The following SLC5A3 variants were observed in gnomAD, a reference collection of about 807,000 sequenced individuals.
SLC5A3 encodes solute carrier family 5 member 3.
SLC5A3 carries 10 observed loss-of-function variants against 43.2 expected under a neutral mutation model. The observed-to-expected ratio is 0.23, with a 90% CI of 0.14 to 0.39. The LOEUF (loss-of-function observed/expected upper bound fraction) is 0.39, where lower values mean the gene tolerates loss of function less well. Among genes scored for constraint, SLC5A3 ranks in the 10% least tolerant of loss-of-function variants. The pLI, the probability that SLC5A3 is intolerant of heterozygous loss-of-function variation, is 1.00. For synonymous variants in SLC5A3, 349 were observed against 322.0 expected (o/e 1.08, Z -0.90); for missense variants, 608 against 893.4 (o/e 0.68, Z 4.07).
intron 1 of SLC5A3, among the ~76,000 whole-genome samples, chr21:34,085,857 C>T (rs1189591590): frequency 1.3e-5 from 2 of 152,172 alleles, no homozygotes; most frequent in East Asian, 3.9e-4. Flanking sequence ...CCGCCTCGGC[C>T]TCCCAAAGTG....
In SLC5A3 at chr21:34,100,765, C is replaced by G. The variant is rs16991209; in HGVS notation, c.*3410C>G. 1.0e-6 allele frequency: 1 copy of G among 1,000,044 alleles called. No individual in the cohort carries two copies. The highest frequency in any genetic ancestry group is 1.7e-5 in the African/African-American group (1 of 57,212). 61.9% of individuals were successfully genotyped at this position (1,000,044 alleles called of 1,614,324 possible). On this transcript the variant is annotated 3_prime_UTR_variant, in exon 2 of 2. Transcript: ENST00000381151. ...GTGTCTGTATTCGCAGTCCATGGCT[C>G]ATTTTCTTTATAGTAGGCATATGGA...
Position 34,096,257 on chromosome 21 carries a change from C to T in SLC5A3, c.1059C>T (p.Arg353=). The T allele has an allele frequency of 1.2e-6, 2 of 1,614,100 alleles. No individual in the cohort carries two copies. The highest frequency in any genetic ancestry group is 1.7e-6 in the Non-Finnish European group (2 of 1,180,012). Residue 353 remains arginine (R), a synonymous_variant, in exon 2 of 2, where the codon CGC becomes CGT. Transcript: ENST00000381151. The surrounding 1 kb of genome is among the most constrained non-coding windows in gnomAD (Gnocchi z 5.9). Reference sequence around the variant, plus strand: ...GTTGCTCCAATATTGCTTACCCACGCCTGGTGATGAAGCTGGTTCCTGTGG... The same window carrying T: ...GTTGCTCCAATATTGCTTACCCACGTCTGGTGATGAAGCTGGTTCCTGTGG... The part of the protein sequence containing the change: ...RAGCSNIAYP[R]LVMKLVPVGL...
rs1192343657 is a variant in SLC5A3, at chr21:34,101,919, A to G, written c.*4564A>G. ...CATTTATGTGAGCCCCTTTGAAATGATGGTGTCAGAGTGCAGAGAAACAAT... is the reference window on the plus strand; with the variant it reads ...CATTTATGTGAGCCCCTTTGAAATGGTGGTGTCAGAGTGCAGAGAAACAAT... On this transcript the variant is annotated 3_prime_UTR_variant, in exon 2 of 2. Coordinates refer to ENST00000381151, the MANE Select transcript of SLC5A3 (RefSeq NM_006933.7). The G allele has an allele frequency of 3.0e-6, 3 of 1,000,200 alleles. No homozygotes were observed. The African/African-American group carries it at 5.2e-5, about 17-fold the overall frequency. The allele number at this position is 1,000,200 out of a possible 1,614,324, so 62.0% of individuals were successfully genotyped here.
In SLC5A3 at chr21:34,098,421, T is replaced by A; in HGVS notation, c.*1066T>A. 1.0e-6 allele frequency: 1 copy of A among 1,000,180 alleles called. No homozygotes were observed. Among genetic ancestry groups the A allele is most frequent in the African/African-American group, 1.7e-5 (1 of 57,350 alleles). The allele number at this position is 1,000,180 out of a possible 1,614,324, so 62.0% of individuals were successfully genotyped here. ...AGGTTGAATTTTTAGAGGGAAAATT[T>A]AATTCTGATATCTTATTGCATCCTT... On this transcript the variant is annotated 3_prime_UTR_variant, in exon 2 of 2. Coordinates refer to ENST00000381151, the MANE Select transcript of SLC5A3 (RefSeq NM_006933.7).
chr21:34,103,048 C>T lies in SLC5A3; in HGVS notation c.*5693C>T, dbSNP rs532661552. 4.0e-6 allele frequency: 4 copies of T among 999,916 alleles called. No homozygotes were observed. In the South Asian group the frequency reaches 1.4e-4, roughly 35 times the overall value. 61.9% of individuals were successfully genotyped at this position (999,916 alleles called of 1,614,324 possible). On this transcript the variant is annotated 3_prime_UTR_variant, in exon 2 of 2. Transcript: ENST00000381151. ...CAATTTATCAACATAGCCTAGACTT[C>T]TGTAAGTGGAATGTTCATTAGTAAC... is the stretch of plus-strand genomic sequence containing the variant.
Position 34,105,105 on chromosome 21 carries a change from C to T in SLC5A3, c.*7750C>T. 1 of 999,980 alleles carries T rather than the reference C, an allele frequency of 1.0e-6. No homozygotes were observed. 61.9% of individuals were successfully genotyped at this position (999,980 alleles called of 1,614,324 possible). A position where few individuals can be genotyped will look rare whatever the true frequency, so the allele number is the denominator to read the frequency against. ...AAAAGCTTTATTTTTTTTAATAATG[C>T]CATACTCCATTAGTGTCAGATGATG... On this transcript the variant is annotated 3_prime_UTR_variant, in exon 2 of 2. Transcript: ENST00000381151.
Position 34,097,013 on chromosome 21 carries a change from G to A in SLC5A3, c.1815G>A (p.Leu605=), listed in dbSNP as rs765021972. 1.2e-6 allele frequency: 2 copies of A among 1,614,152 alleles called. No homozygotes were observed. Among genetic ancestry groups the A allele is most frequent in the Non-Finnish European group, 1.7e-6 (2 of 1,180,000 alleles). The change falls in exon 2 of 2, where the codon CTG becomes CTA. Residue 605 remains leucine (L), a synonymous_variant. Transcript: ENST00000381151. ...GCCTTCAGCCTGAAGATGTTAATCT[G>A]TTGGTAACCTGCAGAGAGGAGGGCA... ...IKGLQPEDVN[L]LVTCREEGNP...
In SLC5A3 at chr21:34,101,332, C is replaced by G; in HGVS notation, c.*3977C>G. 4.0e-6 allele frequency: 4 copies of G among 1,000,116 alleles called. No homozygotes were observed. The highest frequency in any genetic ancestry group is 4.8e-6 in the Non-Finnish European group (4 of 829,912). The allele number at this position is 1,000,116 out of a possible 1,614,324, so 62.0% of individuals were successfully genotyped here. A position where few individuals can be genotyped will look rare whatever the true frequency, so the allele number is the denominator to read the frequency against. ...AATAAATAAGTTTCAGCTTTTTAAA[C>G]CCTGGTTTGATGTTAAGCATTATAA... On this transcript the variant is annotated 3_prime_UTR_variant, in exon 2 of 2. Transcript: ENST00000381151.
At position 34,100,273 on chromosome 21, in the gene SLC5A3, A is replaced by G; in HGVS notation, c.*2918A>G. 1 of 1,000,152 alleles carries G rather than the reference A, an allele frequency of 1.0e-6. No homozygotes were observed. The highest frequency in any genetic ancestry group is 1.2e-6 in the Non-Finnish European group (1 of 829,914). 62.0% of individuals were successfully genotyped at this position (1,000,152 alleles called of 1,614,324 possible). On this transcript the variant is annotated 3_prime_UTR_variant, in exon 2 of 2. Transcript: ENST00000381151. ...AATTTTCATCTCAAGATCTGATGAG[A>G]AGGGCATATTACATTGGTATGCAGG...
Position 34,098,958 on chromosome 21 carries a change from A to G in SLC5A3, c.*1603A>G, listed in dbSNP as rs1266523440. The G allele has an allele frequency of 5.1e-6, 5 of 983,426 alleles. No homozygotes were observed. Among genetic ancestry groups the G allele is most frequent in the South Asian group, 9.5e-5 (2 of 20,958 alleles). 60.9% of individuals were successfully genotyped at this position (983,426 alleles called of 1,614,324 possible). On this transcript the variant is annotated 3_prime_UTR_variant, in exon 2 of 2. Coordinates refer to ENST00000381151, the MANE Select transcript of SLC5A3 (RefSeq NM_006933.7). ...GCTTGTATTTAGGGAAATTACTTTC[A>G]TAAATACTTTTGTAGATTTTGAATC...
In SLC5A3 at chr21:34,095,851, T is replaced by C. The variant is rs1302477573; in HGVS notation, c.653T>C (p.Met218Thr). 1.2e-6 allele frequency: 2 copies of C among 1,614,096 alleles called. No individual in the cohort carries two copies. The highest frequency in any genetic ancestry group is 1.7e-6 in the Non-Finnish European group (2 of 1,179,994). Residue 218 changes from methionine (M) to threonine (T), a missense_variant, in exon 2 of 2, where the codon ATG becomes ACG. Met to Thr is a moderately conservative substitution (Grantham distance 81). Coordinates refer to ENST00000381151, the MANE Select transcript of SLC5A3 (RefSeq NM_006933.7). ...GGFEEVKRRY[M>T]LASPDVTSIL... ...TTTGAGGAAGTTAAGAGAAGGTACA[T>C]GTTGGCCTCACCCGATGTCACTTCC...
chr21:34,081,173 A>G (rs1602905829), intron 1 of SLC5A3, among the ~76,000 whole-genome samples: 2 of 152,076 alleles, frequency 1.3e-5, no homozygotes, highest in Non-Finnish European at 2.9e-5. Flanking sequence ...TTTTACAAGG[A>G]TCTTTTAAAC....
chr21:34,090,676 C>T (rs554101983), intron 1 of SLC5A3, among the ~76,000 whole-genome samples: 86 of 152,166 alleles, frequency 5.7e-4, no homozygotes, highest in Non-Finnish European at 7.2e-4. Flanking sequence ...TGAGCCACCT[C>T]CCCATTGCAC....
At chr21:34,093,205 A>G (rs1180251824) in intron 1 of SLC5A3, among the ~76,000 whole-genome samples, 1 of 151,250 alleles carries the variant, frequency 6.6e-6, no homozygotes. Context: ...AGGATTTGGC[A>G]GGTATGAAGT....
chr21:34,097,965 T>C lies in SLC5A3; in HGVS notation c.*610T>C, dbSNP rs1228857204. 1.0e-6 allele frequency: 1 copy of C among 996,710 alleles called. No homozygotes were observed. Among genetic ancestry groups the C allele is most frequent in the African/African-American group, 1.8e-5 (1 of 57,114 alleles). The allele number at this position is 996,710 out of a possible 1,614,324, so 61.7% of individuals were successfully genotyped here. ...ATTTTTGTACCACCAGTATATGGAA[T>C]GTTAGGGAAAAACTTTGTTCCAGTT... On this transcript the variant is annotated 3_prime_UTR_variant, in exon 2 of 2. Transcript: ENST00000381151.
chr21:34,077,280 CTT>C (rs1989355454), intron 1 of SLC5A3, among the ~76,000 whole-genome samples: 1 of 152,168 alleles, frequency 6.6e-6, no homozygotes, highest in African/African-American at 2.4e-5. Context: ...AAAAATGAAA[CTT>C]TGTAGACACT....
chr21:34,089,894 T>C (rs1016083978), intron 1 of SLC5A3, among the ~76,000 whole-genome samples: 1 of 152,216 alleles, frequency 6.6e-6, no homozygotes, highest in Non-Finnish European at 1.5e-5. Context: ...CTTTATATTT[T>C]AGGGATGGTT....
rs184869645 is a variant in SLC5A3 at position 34,080,085 on chromosome 21, C to T, written c.-337+6340C>T. Among the ~76,000 whole-genome samples, 515 of 152,294 alleles carry T rather than the reference C, an allele frequency of 3.4e-3. 3 individuals are homozygous for T. Among genetic ancestry groups the T allele is most frequent in the Non-Finnish European group, 5.5e-3 (371 of 68,020 alleles). On this transcript the variant is annotated intron_variant, in intron 1 of 1. Transcript: ENST00000381151. Reference sequence around the variant, plus strand: ...GGACTCTTGCAGTTTCTTAGCTGGTCTCCTGACATACTACTGAGGGGAGGA... The same window carrying T: ...GGACTCTTGCAGTTTCTTAGCTGGTTTCCTGACATACTACTGAGGGGAGGA...
At position 34,101,470 on chromosome 21, in the gene SLC5A3, T is replaced by C. The variant is rs1483092034; in HGVS notation, c.*4115T>C. 4 of 999,928 alleles carry C rather than the reference T, an allele frequency of 4.0e-6. No individual in the cohort carries two copies. 61.9% of individuals were successfully genotyped at this position (999,928 alleles called of 1,614,324 possible). A position where few individuals can be genotyped will look rare whatever the true frequency, so the allele number is the denominator to read the frequency against. On this transcript the variant is annotated 3_prime_UTR_variant, in exon 2 of 2. Coordinates refer to ENST00000381151, the MANE Select transcript of SLC5A3 (RefSeq NM_006933.7). ...TGCTAGGTTGTTGAAGGCATTTCAGTGTTGATAATAGCCTGAGCAGACTTC... is the reference window on the plus strand; with the variant it reads ...TGCTAGGTTGTTGAAGGCATTTCAGCGTTGATAATAGCCTGAGCAGACTTC...
Sources: allele counts gnomAD v4.1 joint callset (sites outside exome capture counted in the v4.1 genomes callset), GRCh38; gene constraint gnomAD v4.1.1; non-coding constraint Gnocchi (gnomAD v3.1); transcripts MANE v1.5; gene names NCBI Gene and HGNC (gene_info 2026-07-23, HGNC 2026-07-21).